The following EXOSC3 variants were observed in gnomAD, a reference collection of about 807,000 sequenced individuals.
EXOSC3 encodes exosome complex component RRP40.
In EXOSC3, 18 loss-of-function variants were observed where a neutral mutation model predicts 25.1. That is an observed-to-expected ratio of 0.72 (90% CI 0.50 to 1.06). EXOSC3 has a LOEUF of 1.06. Among genes scored for constraint, EXOSC3 ranks in the 50% least tolerant of loss-of-function variants. The pLI, the probability that EXOSC3 is intolerant of heterozygous loss-of-function variation, is 0.00. For missense variants in EXOSC3, 382 were observed against 350.9 expected, an observed-to-expected ratio of 1.09 and a Z score of -0.71; for synonymous variants, 165 against 132.2, an observed-to-expected ratio of 1.25 and a Z score of -1.70.
chr9:37,784,674 G>GCCGGGC, intron 1 of EXOSC3, 47 bp downstream of exon 1: 1 of 1,532,160 alleles, frequency 6.5e-7, no homozygotes, highest in Non-Finnish European at 8.8e-7. Flanking sequence ...CTCAAAGCAG[G>GCCGGGC]GCTACCACTC....
chr9:37,782,312 A>G (rs1368921019), intron 2 of EXOSC3, among the ~76,000 whole-genome samples, 175 bp from the exon 3 acceptor site: 1 of 152,258 alleles, frequency 6.6e-6, no homozygotes, highest in African/African-American at 2.4e-5. Context: ...AAAAAGGAAC[A>G]CATGTATCAT....
In EXOSC3 at chr9:37,780,693, A is replaced by ATCTGGAGAAGATCTGTTT; in HGVS notation, c.796_813dup (p.Lys266_Arg271dup). On this transcript the variant is annotated inframe_insertion, in exon 4 of 4. Transcript: ENST00000327304. ...GTCCACCTATATCAACTTTCTGCCA[A>ATCTGGAGAAGATCTGTTT]TCTGGAGAAGATCTGTTTTCTTTGA... 1 of 1,613,516 alleles carries ATCTGGAGAAGATCTGTTT rather than the reference A, an allele frequency of 6.2e-7. No individual in the cohort carries two copies. Among genetic ancestry groups the ATCTGGAGAAGATCTGTTT allele is most frequent in the Non-Finnish European group, 8.5e-7 (1 of 1,179,862 alleles).
Position 37,784,775 on chromosome 9 carries a change from C to G in EXOSC3, c.270G>C (p.Glu90Asp). 1 of 1,606,436 alleles carries G rather than the reference C, an allele frequency of 6.2e-7. No individual in the cohort carries two copies. The highest frequency in any genetic ancestry group is 8.5e-7 in the Non-Finnish European group (1 of 1,178,430). ...VTKCGRLRHK[E>D]PGSGSGGGVY... The stretch of plus-strand genomic sequence containing the variant: ...CACCGCCGCCGCTGCCACTGCCGGG[C>G]TCCTTGTGACGGAGGCGGCCGCACT... Residue 90 changes from glutamate (E) to aspartate (D), a missense_variant, in exon 1 of 4, where the codon GAG becomes GAC. By Grantham distance (45) the Glu-to-Asp change is conservative. Transcript: ENST00000327304.
chr9:37,780,940 T>A, intron 3 of EXOSC3, 60 bp from the exon 4 acceptor site: 1 of 1,413,368 alleles, frequency 7.1e-7, no homozygotes, highest in Admixed American at 2.0e-5. Context: ...GTCCGGAGTC[T>A]CCTTTAGAAT....
chr9:37,782,137 C>A lies in EXOSC3; in HGVS notation c.475G>T (p.Val159Phe), dbSNP rs989966117. ...ATKRNRPNVQ[V>F]GDLIYGQFVV... The stretch of plus-strand genomic sequence containing the variant: ...AACTGGCCATAGATGAGATCTCCAA[C>A]CTACAATGATATTAAAAACCAGTTC... Residue 159 changes from valine to phenylalanine, a missense_variant and splice_region_variant, in exon 3 of 4, where the codon GTT becomes TTT. Val to Phe is a conservative substitution (Grantham distance 50). Coordinates refer to ENST00000327304, the MANE Select transcript of EXOSC3 (RefSeq NM_016042.4). 1 of 1,613,538 alleles carries A rather than the reference C, an allele frequency of 6.2e-7. No homozygotes were observed. The highest frequency in any genetic ancestry group is 8.5e-7 in the Non-Finnish European group (1 of 1,179,726).
In EXOSC3 at chr9:37,784,796, G is replaced by A; in HGVS notation, c.249C>T (p.Cys83=). The change falls in exon 1 of 4, where the codon TGC becomes TGT. Residue 83 remains cysteine (C), a synonymous_variant. Transcript: ENST00000327304. ...RCGDRLLVTK[C]GRLRHKEPGS... is the part of the protein sequence containing the mutation. ...CGGGCTCCTTGTGACGGAGGCGGCCGCACTTGGTGACCAGCAGGCGGTCCC... is the reference window on the plus strand; with the variant it reads ...CGGGCTCCTTGTGACGGAGGCGGCCACACTTGGTGACCAGCAGGCGGTCCC... 6.2e-7 allele frequency: 1 copy of A among 1,607,756 alleles called. No individual in the cohort carries two copies. The highest frequency in any genetic ancestry group is 8.5e-7 in the Non-Finnish European group (1 of 1,178,500).
At chr9:37,783,314 A>G (rs902414676) in intron 2 of EXOSC3, among the ~76,000 whole-genome samples, 1 of 152,220 alleles carries the variant, frequency 6.6e-6, no homozygotes, top group East Asian at 1.9e-4. Flanking sequence ...ACTTGTGGAG[A>G]TAAAGGGACG....
intron 2 of EXOSC3, among the ~76,000 whole-genome samples, chr9:37,782,519 C>CAGTGCAG (rs1401314039): frequency 2.0e-5 from 3 of 152,342 alleles, no homozygotes; most frequent in African/African-American, 7.2e-5. Flanking sequence ...CCATACTAAT[C>CAGTGCAG]AGTGCAGATA....
rs753042657 is a variant in EXOSC3 at position 37,783,960 on chromosome 9, T to A, written c.428A>T (p.Tyr143Phe). ...VGGSEPASLS[Y>F]LSFEGATKRN... ...TTTAGTTGCACCTTCAAATGACAAGTAAGACAAAGAAGCTGGCTCACTCCC... is the reference window on the plus strand; with the variant it reads ...TTTAGTTGCACCTTCAAATGACAAGAAAGACAAAGAAGCTGGCTCACTCCC... Residue 143 changes from tyrosine (Y) to phenylalanine (F), a missense_variant, in exon 2 of 4, where the codon TAC (tyrosine) becomes TTC (phenylalanine). Coordinates refer to ENST00000327304, the MANE Select transcript of EXOSC3 (RefSeq NM_016042.4). 3 of 1,613,498 alleles carry A rather than the reference T, an allele frequency of 1.9e-6. No individual in the cohort carries two copies. Among genetic ancestry groups the A allele is most frequent in the Non-Finnish European group, 1.7e-6 (2 of 1,179,962 alleles).
Position 37,780,607 on chromosome 9 carries a change from A to T in EXOSC3, c.*72T>A. The T allele has an allele frequency of 8.4e-7, 1 of 1,185,840 alleles. No individual in the cohort carries two copies. The highest frequency in any genetic ancestry group is 1.2e-6 in the Non-Finnish European group (1 of 804,326). The allele number at this position is 1,185,840 out of a possible 1,614,324, so 73.5% of individuals were successfully genotyped here. On this transcript the variant is annotated 3_prime_UTR_variant, in exon 4 of 4. Coordinates refer to ENST00000327304, the MANE Select transcript of EXOSC3 (RefSeq NM_016042.4). Reference sequence around the variant, plus strand: ...TTCACACCTTATCTTCTGAGTATTTAAATGGGGGAGGTTCACCTGAAAAAA... The same window carrying T: ...TTCACACCTTATCTTCTGAGTATTTTAATGGGGGAGGTTCACCTGAAAAAA...
At chr9:37,784,380 T>A in intron 1 of EXOSC3, 1 of 473,144 alleles carries the variant, frequency 2.1e-6, no homozygotes, top group Non-Finnish European at 3.7e-6. Context: ...TATGAAATTC[T>A]TACCTGTTCT....
chr9:37,783,802 A>T, intron 2 of EXOSC3, 112 bp downstream of exon 2: 1 of 1,127,184 alleles, frequency 8.9e-7, no homozygotes, highest in Non-Finnish European at 1.2e-6. Context: ...ATTATATACA[A>T]GCTCAGAGAT....
In EXOSC3 at chr9:37,782,104, C is replaced by T; in HGVS notation, c.508G>A (p.Ala170Thr). Residue 170 changes from alanine to threonine, a missense_variant, in exon 3 of 4, where the codon GCT (alanine) becomes ACT (threonine). Transcript: ENST00000327304. ...GDLIYGQFVV[A>T]NKDMEPEMVC... ...ATCTCTGGTTCCATGTCTTTATTAG[C>T]AACCACAAACTGGCCATAGATGAGA... is the stretch of plus-strand genomic sequence containing the variant. The T allele has an allele frequency of 6.2e-7, 1 of 1,614,068 alleles. No homozygotes were observed. The highest frequency in any genetic ancestry group is 1.1e-5 in the South Asian group (1 of 91,076).
chr9:37,781,417 C>T (rs1828593061), intron 3 of EXOSC3, among the ~76,000 whole-genome samples: 1 of 149,884 alleles, frequency 6.7e-6, no homozygotes, highest in Non-Finnish European at 1.5e-5. Flanking sequence ...CTCAACTTCA[C>T]TGGCTCTAGG....
intron 2 of EXOSC3, among the ~76,000 whole-genome samples, chr9:37,782,882 C>T (rs1828625338): frequency 6.6e-6 from 1 of 152,160 alleles, no homozygotes; most frequent in Non-Finnish European, 1.5e-5. Flanking sequence ...AAACCTCAGT[C>T]AAGGCTCAAT....
Position 37,784,824 on chromosome 9 carries a change from C to T in EXOSC3, c.221G>A (p.Cys74Tyr). 1 of 1,608,740 alleles carries T rather than the reference C, an allele frequency of 6.2e-7. No homozygotes were observed. Among genetic ancestry groups the T allele is most frequent in the Non-Finnish European group, 8.5e-7 (1 of 1,178,122 alleles). Residue 74 changes from cysteine (C) to tyrosine (Y), a missense_variant, in exon 1 of 4, where the codon TGT becomes TAT. Transcript: ENST00000327304. ...CTTGGTGACCAGCAGGCGGTCCCCA[C>T]AGCGCCGAAGGCCCGGACCGCATAC... is the stretch of plus-strand genomic sequence containing the variant. ...RVVCGPGLRR[C>Y]GDRLLVTKCG...
chr9:37,780,572 AATAC>A lies in EXOSC3; in HGVS notation c.*103_*106del, dbSNP rs1828562552. 5.8e-6 allele frequency: 5 copies of A among 858,166 alleles called. No individual in the cohort carries two copies. Among genetic ancestry groups the A allele is most frequent in the Non-Finnish European group, 7.4e-6 (4 of 539,010 alleles). The allele number at this position is 858,166 out of a possible 1,614,324, so 53.2% of individuals were successfully genotyped here. A position where few individuals can be genotyped will look rare whatever the true frequency, so the allele number is the denominator to read the frequency against. ...TATAAAAATACTTTCGGACTCTAATAATACATACATTCACACCTTATCTTCTGAG... is the reference window on the plus strand; with the variant it reads ...TATAAAAATACTTTCGGACTCTAATAATACATTCACACCTTATCTTCTGAG... On this transcript the variant is annotated 3_prime_UTR_variant, in exon 4 of 4. Transcript: ENST00000327304.
chr9:37,785,035 G>T lies in EXOSC3; in HGVS notation c.10C>A (p.Pro4Thr). Residue 4 changes from proline to threonine, a missense_variant, in exon 1 of 4, where the codon CCT becomes ACT. By Grantham distance (38) the Pro-to-Thr change is conservative. Transcript: ENST00000327304. Reference sequence around the variant, plus strand: ...AGAGATTCAGCCGCGACAGACGCAGGTTCGGCCATCGCGGGCTCCACCAAA... The same window carrying T: ...AGAGATTCAGCCGCGACAGACGCAGTTTCGGCCATCGCGGGCTCCACCAAA... MAE[P>T]ASVAAESLAG... The T allele has an allele frequency of 6.3e-7, 1 of 1,597,598 alleles. No homozygotes were observed. Among genetic ancestry groups the T allele is most frequent in the South Asian group, 1.1e-5 (1 of 90,534 alleles).
rs1207346119 is a variant in EXOSC3, at chr9:37,783,924, G to A, written c.464C>T (p.Pro155Leu). ...SFEGATKRNR[P>L]NVQVGDLIYG... ...GGCTCCCGTAATTACCTGCACATTT[G>A]GTCTGTTTCTTTTAGTTGCACCTTC... Residue 155 changes from proline to leucine, a missense_variant, in exon 2 of 4, where the codon CCA becomes CTA. Pro to Leu is a moderately conservative substitution (Grantham distance 98). Coordinates refer to ENST00000327304, the MANE Select transcript of EXOSC3 (RefSeq NM_016042.4). 1 of 1,611,364 alleles carries A rather than the reference G, an allele frequency of 6.2e-7. No individual in the cohort carries two copies. Among genetic ancestry groups the A allele is most frequent in the African/African-American group, 1.3e-5 (1 of 74,754 alleles).
Sources: allele counts gnomAD v4.1 joint callset (sites outside exome capture counted in the v4.1 genomes callset), GRCh38; gene constraint gnomAD v4.1.1; transcripts MANE v1.5; gene names NCBI Gene and HGNC (gene_info 2026-07-23, HGNC 2026-07-21).